The following SOX6 variants were observed in gnomAD, a reference collection of about 807,000 sequenced individuals.
SOX6 encodes the protein transcription factor SOX-6.
Under a neutral mutation model 97.8 loss-of-function variants are expected in SOX6, and 11 were observed. The observed-to-expected ratio is 0.11, with a 90% CI of 0.07 to 0.19. The LOEUF (loss-of-function observed/expected upper bound fraction) is 0.19. SOX6 is among the 10% of genes least tolerant of loss of function. The pLI is 1.00. For missense variants in SOX6, 810 were observed against 1,039.5 expected, an observed-to-expected ratio of 0.78 and a Z score of 3.04; for synonymous variants, 360 against 371.4, an observed-to-expected ratio of 0.97 and a Z score of 0.35.
intron 6 of SOX6, among the ~76,000 whole-genome samples, chr11:16,161,562 GGATTCTGAACA>G (rs1184388447): frequency 6.6e-6 from 1 of 151,920 alleles, no homozygotes; most frequent in Non-Finnish European, 1.5e-5. Flanking sequence ...ACAAAGAGTG[GGATTCTGAACA>G]GACAAAAGCA....
chr11:16,075,628 G>C (rs747858628), intron 9 of SOX6, among the ~76,000 whole-genome samples: 7 of 152,100 alleles, frequency 4.6e-5, no homozygotes, highest in Non-Finnish European at 5.9e-5. Context: ...GACACAGTGA[G>C]GGGAATATCA....
chr11:16,597,042 G>A lies in SOX6; in HGVS notation n.609+15039C>T, dbSNP rs371956649. Among the ~76,000 whole-genome samples the A allele has an allele frequency of 3.9e-5, 6 of 152,210 alleles. No homozygotes were observed. The East Asian group carries it at 7.7e-4, about 20-fold the overall frequency. On this transcript the variant is annotated intron_variant and non_coding_transcript_variant, in intron 4 of 5. Coordinates refer to the SOX6 transcript ENST00000524520. ...TTATGACATACAAGCTTTGTTTGAA[G>A]TAAATAATATCCTGAAGCAAAACCC...
At chr11:16,082,599 T>C (rs1005085583) in intron 9 of SOX6, among the ~76,000 whole-genome samples, 1 of 152,198 alleles carries the variant, frequency 6.6e-6, no homozygotes, top group African/African-American at 2.4e-5. Flanking sequence ...TTATTCAGCA[T>C]GTATCATTAC....
intron 4 of SOX6, among the ~76,000 whole-genome samples, chr11:16,601,177 A>G (rs1217908825): frequency 6.6e-6 from 1 of 152,180 alleles, no homozygotes; most frequent in Non-Finnish European, 1.5e-5. Context: ...TTATCATTAA[A>G]TCTCATATAC....
intron 1 of SOX6, among the ~76,000 whole-genome samples, chr11:16,424,618 T>C (rs1326358928): frequency 1.3e-5 from 2 of 152,124 alleles, no homozygotes; most frequent in Non-Finnish European, 2.9e-5. Flanking sequence ...AGAGAAAAGA[T>C]AGCTTTAAGT....
At chr11:16,044,356 T>C (rs1264102597) in intron 12 of SOX6, among the ~76,000 whole-genome samples, 2 of 152,178 alleles carry the variant, frequency 1.3e-5, no homozygotes, top group Non-Finnish European at 2.9e-5. Flanking sequence ...ATCTAATGGA[T>C]AGATCTTATA....
At chr11:16,143,578 C>T (rs1850207949) in intron 6 of SOX6, among the ~76,000 whole-genome samples, 1 of 152,088 alleles carries the variant, frequency 6.6e-6, no homozygotes, top group Non-Finnish European at 1.5e-5. Flanking sequence ...AGAGTCAAGA[C>T]CCATCAGCGT....
intron 2 of SOX6, among the ~76,000 whole-genome samples, chr11:16,735,364 A>G (rs1197623788): frequency 6.6e-6 from 1 of 152,212 alleles, no homozygotes; most frequent in Non-Finnish European, 1.5e-5. Context: ...GGCCTAGCTC[A>G]AAAACTTTTG....
At chr11:16,274,871 C>T (rs1381330098) in intron 3 of SOX6, among the ~76,000 whole-genome samples, 1 of 152,078 alleles carries the variant, frequency 6.6e-6, no homozygotes, top group African/African-American at 2.4e-5. Context: ...AAATTCTCAC[C>T]TTATTATTAT....
chr11:16,521,847 G>A (rs1051369691), intron 4 of SOX6, among the ~76,000 whole-genome samples: 9 of 152,168 alleles, frequency 5.9e-5, no homozygotes, highest in African/African-American at 2.2e-4. Context: ...AGCCTCAGGA[G>A]CCGATGTGAT....
chr11:16,136,240 G>A (rs1254271554), intron 6 of SOX6, among the ~76,000 whole-genome samples: 3 of 151,672 alleles, frequency 2.0e-5, no homozygotes, highest in South Asian at 2.1e-4. Flanking sequence ...GGATGGTCTC[G>A]ATCTCCTGAC....
At chr11:16,150,966 A>G (rs1850443848) in intron 6 of SOX6, among the ~76,000 whole-genome samples, 1 of 152,084 alleles carries the variant, frequency 6.6e-6, no homozygotes, top group African/African-American at 2.4e-5. Flanking sequence ...TGCTTCTTTT[A>G]TTGGGAGGCT....
intron 4 of SOX6, among the ~76,000 whole-genome samples, chr11:16,488,589 C>A (rs1860470682): frequency 6.6e-6 from 1 of 152,050 alleles, no homozygotes; most frequent in African/African-American, 2.4e-5. Context: ...CTTAAGGGTA[C>A]AAGACCCTAC....
At chr11:16,603,774 TG>T (rs1848299189) in intron 4 of SOX6, among the ~76,000 whole-genome samples, 4 of 151,860 alleles carry the variant, frequency 2.6e-5, no homozygotes, top group African/African-American at 9.7e-5. Flanking sequence ...TACCAATAGT[TG>T]AACAGCCGAA....
Position 16,544,338 on chromosome 11 carries a change from C to T in SOX6, n.609+67743G>A, listed in dbSNP as rs565831065. 4.6e-5 allele frequency among the ~76,000 whole-genome samples: 7 copies of T among 152,238 alleles called. No homozygotes were observed. In the East Asian group the frequency reaches 1.4e-3, roughly 29 times the overall value. Reference sequence around the variant, plus strand: ...GCAGTGGCATTATCACAGCTCAGTACAGCCTCAGTCTCCTGGGCTCAACAA... The same window carrying T: ...GCAGTGGCATTATCACAGCTCAGTATAGCCTCAGTCTCCTGGGCTCAACAA... On this transcript the variant is annotated intron_variant and non_coding_transcript_variant, in intron 4 of 5. Transcript: ENST00000524520.
chr11:16,034,551 T>C (rs1855466421), intron 12 of SOX6, among the ~76,000 whole-genome samples: 1 of 152,194 alleles, frequency 6.6e-6, no homozygotes, highest in South Asian at 2.1e-4. Context: ...GAATCAGTGA[T>C]GTAAAGAATA....
chr11:16,046,023 A>G (rs1803151141), intron 12 of SOX6, among the ~76,000 whole-genome samples: 1 of 152,206 alleles, frequency 6.6e-6, no homozygotes, highest in South Asian at 2.1e-4. Context: ...CATAGAATAA[A>G]CAATAAATAA....
intron 12 of SOX6, among the ~76,000 whole-genome samples, chr11:16,030,173 G>T (rs1855329123): frequency 6.6e-6 from 1 of 152,134 alleles, no homozygotes; most frequent in Non-Finnish European, 1.5e-5. Flanking sequence ...TTATTAGATT[G>T]CTTAAACCAA....
chr11:16,339,309 C>T (rs1392978963), intron 2 of SOX6, among the ~76,000 whole-genome samples: 3 of 152,036 alleles, frequency 2.0e-5, no homozygotes, highest in Non-Finnish European at 4.4e-5. Flanking sequence ...TTTGATATAG[C>T]CCCTACCAAT....
Sources: gnomAD v4.1 joint callset for allele counts (sites outside exome capture counted in the v4.1 genomes callset) on GRCh38, gnomAD v4.1.1 for gene constraint, MANE v1.5 for transcripts, NCBI Gene and HGNC (gene_info 2026-07-23, HGNC 2026-07-21) for gene names.